STARD8: variants seen among roughly 807,000 people sequenced by gnomAD.
STARD8 encodes StAR related lipid transfer domain containing 8.
Under a neutral mutation model 69.4 loss-of-function variants are expected in STARD8, and 25 were observed. The ratio of observed to expected loss-of-function variants is 0.36; its 90% confidence interval spans 0.26 to 0.50. The LOEUF is 0.50. STARD8 is among the 20% of genes least tolerant of loss of function. The pLI, the probability that STARD8 is intolerant of heterozygous loss-of-function variation, is 0.96. For missense variants in STARD8, 921 were observed against 932.5 expected (o/e 0.99, Z 0.16); for synonymous variants, 389 against 374.6 (o/e 1.04, Z -0.45).
intron 1 of STARD8, among the ~76,000 whole-genome samples, chrX:68,660,988 C>T (rs1810487147): frequency 8.9e-6 from 1 of 111,790 alleles, no homozygotes; most frequent in Admixed American, 9.4e-5. Context: ...ATGTGAAGAA[C>T]GTGCTCTCAT....
chrX:68,695,053 C>T (rs1442208481), intron 2 of STARD8, among the ~76,000 whole-genome samples: 1 of 111,012 alleles, frequency 9.0e-6, no homozygotes, highest in Non-Finnish European at 1.9e-5. Flanking sequence ...CCTGTGCGAC[C>T]TGCTCCCTCC....
intron 1 of STARD8, among the ~76,000 whole-genome samples, chrX:68,659,102 C>T (rs945716127): frequency 1.5e-4 from 17 of 112,230 alleles, no homozygotes; most frequent in Non-Finnish European, 3.2e-4. Context: ...CTTCTCTTCT[C>T]TAAGCCTCAG....
At chrX:68,672,899 T>A (rs1333095034) in intron 2 of STARD8, among the ~76,000 whole-genome samples, 1 of 111,591 alleles carries the variant, frequency 9.0e-6, no homozygotes, top group Non-Finnish European at 1.9e-5. Context: ...AACAGAGGCT[T>A]CCAACTCTGT....
intron 7 of STARD8, among the ~76,000 whole-genome samples, chrX:68,719,650 G>C (rs2080130215): frequency 8.9e-6 from 1 of 112,381 alleles, no homozygotes; most frequent in Admixed American, 9.3e-5. Flanking sequence ...TGCAGCTGTG[G>C]TTGTCACTCT....
chrX:68,722,738 G>T, intron 12 of STARD8, 92 bp downstream of exon 12: 1 of 903,717 alleles, frequency 1.1e-6, no homozygotes, highest in Non-Finnish European at 1.5e-6. Flanking sequence ...GAGCCGGGGA[G>T]GAGCTGCCGC....
intron 1 of STARD8, among the ~76,000 whole-genome samples, chrX:68,653,140 CACACACA>C (rs1182742162): frequency 7.9e-4 from 49 of 61,960 alleles, no homozygotes; most frequent in Non-Finnish European, 1.4e-3. Flanking sequence ...CACCACACAC[CACACACA>C]CCACACCAAA....
intron 2 of STARD8, among the ~76,000 whole-genome samples, chrX:68,705,559 A>G (rs973912856): frequency 5.3e-5 from 6 of 112,773 alleles, no homozygotes; most frequent in Non-Finnish European, 1.1e-4. Context: ...GCTAGGGACC[A>G]CCACTGAATG....
chrX:68,716,624 C>A (rs1216984892), intron 5 of STARD8, among the ~76,000 whole-genome samples, 193 bp downstream of exon 5: 1 of 107,627 alleles, frequency 9.3e-6, no homozygotes, highest in Non-Finnish European at 1.9e-5. Flanking sequence ...TGCTTTCTTG[C>A]TTTTTTTTTT....
chrX:68,674,364 C>T (rs1298514150), intron 2 of STARD8, among the ~76,000 whole-genome samples: 1 of 109,439 alleles, frequency 9.1e-6, no homozygotes, highest in Non-Finnish European at 1.9e-5. Context: ...AAAATTCTCA[C>T]TTGTGGTTGG....
In STARD8 at chrX:68,722,034, C is replaced by T. The variant is rs1015348288; in HGVS notation, c.2460-13C>T. On this transcript the variant is annotated splice_polypyrimidine_tract_variant and intron_variant, in intron 10 of 14. Transcript: ENST00000374599. ...GTGCCATCTCTCCTCTCACCACCTCCTGCTCCATCTAGGATCAAGAGCAAA... is the reference window on the plus strand; with the variant it reads ...GTGCCATCTCTCCTCTCACCACCTCTTGCTCCATCTAGGATCAAGAGCAAA... The T allele has an allele frequency of 1.7e-6, 2 of 1,176,615 alleles. No homozygotes were observed. The highest frequency in any genetic ancestry group is 1.7e-5 in the African/African-American group (1 of 57,217).
chrX:68,724,090 C>T lies in STARD8; in HGVS notation c.3163C>T (p.Arg1055Trp), dbSNP rs2080178071. The T allele has an allele frequency of 4.1e-6, 5 of 1,211,361 alleles. No individual in the cohort carries two copies. Among genetic ancestry groups the T allele is most frequent in the East Asian group, 3.0e-5 (1 of 33,803 alleles). ...LMEPCGLGRSRLTHICRADLR... is the reference protein window; with the variant it reads ...LMEPCGLGRSWLTHICRADLR... ...GGAGCCTTGCGGCTTGGGCCGCTCT[C>T]GGCTCACACACATCTGCCGGGCTGA... is the stretch of plus-strand genomic sequence containing the variant. Residue 1055 changes from arginine (R) to tryptophan (W), a missense_variant, in exon 14 of 15, where the codon CGG becomes TGG. Arg to Trp is a moderately radical substitution (Grantham distance 101, BLOSUM62 -3). Transcript: ENST00000374599.
chrX:68,676,142 T>C (rs2079763926), intron 2 of STARD8, among the ~76,000 whole-genome samples: 1 of 112,396 alleles, frequency 8.9e-6, no homozygotes, highest in Non-Finnish European at 1.9e-5. Flanking sequence ...GAATCATGGA[T>C]GGGTGAAAAA....
intron 1 of STARD8, among the ~76,000 whole-genome samples, chrX:68,659,266 A>G (rs2147875127): frequency 8.9e-6 from 1 of 112,077 alleles, no homozygotes; most frequent in East Asian, 2.8e-4. Context: ...CCCTGGGCCC[A>G]TAGCTTGGAC....
chrX:68,659,703 T>C (rs745842083), intron 1 of STARD8, among the ~76,000 whole-genome samples: 1 of 111,790 alleles, frequency 8.9e-6, no homozygotes, highest in African/African-American at 3.2e-5. Context: ...GGGTTGCAGC[T>C]GCTGCTGACT....
chrX:68,717,805 C>T lies in STARD8; in HGVS notation c.891C>T (p.Cys297=), dbSNP rs2080106851. ...RHPQWTHRGD[C]LVHVPGDHKP... ...CTCAGTGGACACACCGGGGTGATTG[C>T]CTGGTGCACGTTCCTGGGGACCACA... is the stretch of plus-strand genomic sequence containing the variant. Residue 297 remains cysteine, a synonymous_variant, in exon 6 of 15, where the codon TGC becomes TGT. Coordinates refer to ENST00000374599, the MANE Select transcript of STARD8 (RefSeq NM_001142503.3). 4 of 1,211,494 alleles carry T rather than the reference C, an allele frequency of 3.3e-6. No homozygotes were observed. Among genetic ancestry groups the T allele is most frequent in the Non-Finnish European group, 3.4e-6 (3 of 895,335 alleles).
intron 1 of STARD8, among the ~76,000 whole-genome samples, chrX:68,655,780 G>A (rs900915046): frequency 9.0e-6 from 1 of 111,485 alleles, no homozygotes; most frequent in African/African-American, 3.3e-5. Flanking sequence ...TGGATATTAC[G>A]TCCACCTCTG....
intron 2 of STARD8, among the ~76,000 whole-genome samples, 154 bp from the exon 3 acceptor site, chrX:68,712,760 G>A (rs1022455746): frequency 1.8e-5 from 2 of 112,266 alleles, no homozygotes; most frequent in Non-Finnish European, 3.8e-5. Flanking sequence ...TGGAGCAAAT[G>A]TGCTAGGACC....
chrX:68,661,207 G>C (rs1162297557), intron 1 of STARD8, among the ~76,000 whole-genome samples: 2 of 111,763 alleles, frequency 1.8e-5, no homozygotes, highest in African/African-American at 3.3e-5. Context: ...GCTGGGGAGA[G>C]TGAGCTCCAT....
At chrX:68,683,577 G>A (rs1172074448) in intron 2 of STARD8, among the ~76,000 whole-genome samples, 1 of 111,855 alleles carries the variant, frequency 8.9e-6, no homozygotes, top group Non-Finnish European at 1.9e-5. Flanking sequence ...TCTTCCTGGA[G>A]TGTACATTTT....
Sources: allele counts gnomAD v4.1 joint callset (sites outside exome capture counted in the v4.1 genomes callset), GRCh38; gene constraint gnomAD v4.1.1; transcripts MANE v1.5; gene names NCBI Gene and HGNC (gene_info 2026-07-23, HGNC 2026-07-21).